Variants in MCF2L observed in about 807,000 individuals in gnomAD.
The protein encoded by MCF2L is MCF.2 cell line derived transforming sequence like, also known as guanine nucleotide exchange factor DBS.
In MCF2L, 97 loss-of-function variants were observed where a neutral mutation model predicts 153.4. That is an observed-to-expected ratio of 0.63 (90% CI 0.54 to 0.75). The LOEUF (loss-of-function observed/expected upper bound fraction) is 0.75. MCF2L is among the 30% of genes least tolerant of loss of function. The pLI, the probability that MCF2L is intolerant of heterozygous loss-of-function variation, is 0.00. For synonymous variants in MCF2L, 659 were observed against 632.2 expected (o/e 1.04, Z -0.64); for missense variants, 1,347 against 1,495.2 (o/e 0.90, Z 1.64).
At chr13:113,012,341 A>G (rs1212552312) in intron 1 of MCF2L, among the ~76,000 whole-genome samples, 26 of 83,910 alleles carry the variant, frequency 3.1e-4, no homozygotes, top group East Asian at 4.3e-4. Flanking sequence ...GTGGACAGGC[A>G]GTGTGGACGG....
At chr13:112,899,030 G>A (rs570256018) in intron 1 of MCF2L, among the ~76,000 whole-genome samples, 16 of 152,326 alleles carry the variant, frequency 1.1e-4, no homozygotes, top group South Asian at 6.2e-4. Flanking sequence ...CTGAACCTGC[G>A]GAGAAGCTGG....
chr13:113,056,177 G>A (rs867545350), intron 4 of MCF2L, among the ~76,000 whole-genome samples: 7 of 152,258 alleles, frequency 4.6e-5, no homozygotes, highest in African/African-American at 1.4e-4. Context: ...CCCAGTGACC[G>A]AGCCCTTAGT....
Position 113,087,392 on chromosome 13 carries a change from AGAGGGAG to A in MCF2L, c.2535_2541del (p.Glu846MetfsTer17). ...GAGAAGGCAGTGCTCTTCTGCAAGA[AGAGGGAG>A]GAGAATGGGGAGGGGTATGAGAAAG... On this transcript the variant is annotated frameshift_variant, in exon 22 of 30. Coordinates refer to ENST00000535094, the MANE Select transcript of MCF2L (RefSeq NM_001112732.3). LOFTEE classifies it high-confidence loss of function. The A allele has an allele frequency of 1.9e-6, 3 of 1,613,382 alleles. No homozygotes were observed. Among genetic ancestry groups the A allele is most frequent in the Non-Finnish European group, 2.5e-6 (3 of 1,179,990 alleles).
rs1200829288 is a variant in MCF2L, at chr13:113,028,398, T to C, written c.278+3640T>C. 1.3e-5 allele frequency among the ~76,000 whole-genome samples: 2 copies of C among 152,232 alleles called. No homozygotes were observed. On this transcript the variant is annotated intron_variant, in intron 3 of 29. Transcript: ENST00000535094. The surrounding 1 kb of genome is among the most constrained non-coding windows in gnomAD (Gnocchi z 5.4). ...GAACCTTCCATGGCCTCCTTGCTGC[T>C]GCCCCACTTGTCTGTCTGCTTCTCC...
chr13:112,959,656 G>A (rs2081800365), intron 2 of MCF2L, among the ~76,000 whole-genome samples: 1 of 152,150 alleles, frequency 6.6e-6, no homozygotes, highest in Admixed American at 6.5e-5. Context: ...CTCCCTATTA[G>A]AGGGAATATC....
rs1197705312 is a variant in MCF2L at position 113,070,977 on chromosome 13, T to C, written c.996+804T>C. Among the ~76,000 whole-genome samples the C allele has an allele frequency of 6.6e-6, 1 of 152,244 alleles. No individual in the cohort carries two copies. The highest frequency in any genetic ancestry group is 1.5e-5 in the Non-Finnish European group (1 of 68,046). On this transcript the variant is annotated intron_variant, in intron 9 of 29. Coordinates refer to ENST00000535094, the MANE Select transcript of MCF2L (RefSeq NM_001112732.3). The surrounding 1 kb of genome is among the most constrained non-coding windows in gnomAD (Gnocchi z 5.6). ...ATGTAATTGCAGGGTTATATAGTAG[T>C]TGCATGTTTCGTTTAAGAAAATGCC...
At chr13:112,916,830 A>C (rs112587396) in intron 2 of MCF2L, among the ~76,000 whole-genome samples, 2,408 of 152,056 alleles carry the variant, frequency 0.016, 57 homozygotes, top group African/African-American at 0.05. Context: ...TAATGGGTGG[A>C]CTGGATTCCT....
At chr13:113,061,256 C>G (rs1051210308) in intron 5 of MCF2L, among the ~76,000 whole-genome samples, 1 of 152,170 alleles carries the variant, frequency 6.6e-6, no homozygotes. Flanking sequence ...GGCAGCATCT[C>G]CCAACACTGC....
chr13:112,919,515 A>G (rs1378753497), intron 2 of MCF2L, among the ~76,000 whole-genome samples: 1 of 152,114 alleles, frequency 6.6e-6, no homozygotes, highest in Non-Finnish European at 1.5e-5. Context: ...AGAATTTGCA[A>G]TTTTTATAAT....
At chr13:112,982,739 G>C (rs1001552795) in intron 1 of MCF2L, among the ~76,000 whole-genome samples, 1 of 152,202 alleles carries the variant, frequency 6.6e-6, no homozygotes, top group African/African-American at 2.4e-5. Flanking sequence ...GGCTGAGCCC[G>C]TGCTGCATAA....
chr13:112,982,622 C>T (rs576946108), intron 1 of MCF2L, among the ~76,000 whole-genome samples: 22 of 152,196 alleles, frequency 1.4e-4, no homozygotes, highest in African/African-American at 5.1e-4. Flanking sequence ...ACAGCTGTGC[C>T]GAGAGGCCTG....
chr13:112,899,319 G>A (rs752559523), intron 1 of MCF2L, among the ~76,000 whole-genome samples: 29 of 152,326 alleles, frequency 1.9e-4, no homozygotes, highest in Admixed American at 4.6e-4. Flanking sequence ...CACTGCTGAC[G>A]GCTTCTCAAG....
intron 2 of MCF2L, among the ~76,000 whole-genome samples, chr13:112,955,283 T>C (rs1251008583): frequency 7.7e-6 from 1 of 130,538 alleles, no homozygotes; most frequent in East Asian, 2.0e-4. Flanking sequence ...CAGCCCTCCG[T>C]CCTGGGTCCC....
At chr13:113,030,865 C>T (rs568763054) in intron 3 of MCF2L, among the ~76,000 whole-genome samples, 24 of 152,244 alleles carry the variant, frequency 1.6e-4, no homozygotes, top group African/African-American at 5.8e-4. Flanking sequence ...GACGGTCAGA[C>T]CTGTGTGTCC....
At chr13:112,990,236 T>C (rs1283799799) in intron 1 of MCF2L, among the ~76,000 whole-genome samples, 4 of 152,356 alleles carry the variant, frequency 2.6e-5, no homozygotes, top group African/African-American at 9.6e-5. Context: ...CGTCACTTTC[T>C]TATGTTTAAA....
chr13:113,075,990 A>G lies in MCF2L; in HGVS notation c.1333A>G (p.Ile445Val), dbSNP rs753938625. 2 of 1,611,860 alleles carry G rather than the reference A, an allele frequency of 1.2e-6. No individual in the cohort carries two copies. The highest frequency in any genetic ancestry group is 2.2e-5 in the South Asian group (2 of 90,700). ...GTCCATGAAGTGGTGTGATGAAGGG[A>G]TTTACCTGCTGGCCTCACAACCTGT... Reference protein sequence around the residue: ...ETSMKWCDEGIYLLASQPVDK... With the variant: ...ETSMKWCDEGVYLLASQPVDK... The change falls in exon 12 of 30, where the codon ATT becomes GTT. Residue 445 changes from isoleucine to valine, a missense_variant. Transcript: ENST00000535094.
chr13:113,045,342 C>T lies in MCF2L; in HGVS notation c.350C>T (p.Ala117Val), dbSNP rs762878116. The T allele has an allele frequency of 6.6e-5, 107 of 1,613,852 alleles. No individual in the cohort carries two copies. Among genetic ancestry groups the T allele is most frequent in the Non-Finnish European group, 8.4e-5 (99 of 1,179,962 alleles). ...RRRDKWTSVK[A>V]SVLRIAASFP... ...CGGGACAAATGGACCTCCGTGAAGG[C>T]GTCCGTCCTGCGCATCGCAGTAAGT... Residue 117 changes from alanine (A) to valine (V), a missense_variant, in exon 4 of 30, where the codon GCG becomes GTG. Ala to Val is a moderately conservative substitution (Grantham distance 64). Around this residue, in one of 3 missense-constraint regions of MCF2L, gnomAD observed 820 missense variants for 921.2 expected, o/e 0.89. Transcript: ENST00000535094. This position sits in a 1 kb window ranked among gnomAD's most constrained non-coding sequence, Gnocchi z 4.2.
At position 113,096,567 on chromosome 13, in the gene MCF2L, C is replaced by T. The variant is rs1025122849; in HGVS notation, c.3206C>T (p.Thr1069Ile). The stretch of plus-strand genomic sequence containing the variant: ...CCTTGCAGGTACGTCAGGGACCCGA[C>T]CACTGGCAAGGAGGGCTGGGTGCCG... ...DEGLWYVRDP[T>I]TGKEGWVPAS... Residue 1069 changes from threonine (T) to isoleucine (I), a missense_variant, in exon 29 of 30, where the codon ACC (threonine) becomes ATC (isoleucine). Transcript: ENST00000535094. The T allele has an allele frequency of 1.1e-5, 18 of 1,604,952 alleles. No homozygotes were observed. Among genetic ancestry groups the T allele is most frequent in the Non-Finnish European group, 1.4e-5 (17 of 1,178,244 alleles).
chr13:113,026,950 G>A, intron 3 of MCF2L: 1 of 777,548 alleles, frequency 1.3e-6, no homozygotes, highest in Non-Finnish European at 2.4e-6. Context: ...CATCTGATGT[G>A]CTCGTCCCAG....
Sources: allele counts gnomAD v4.1 joint callset (sites outside exome capture counted in the v4.1 genomes callset), GRCh38; gene constraint gnomAD v4.1.1; regional missense constraint gnomAD v4.1.1; non-coding constraint Gnocchi (gnomAD v3.1); transcripts MANE v1.5; gene names NCBI Gene and HGNC (gene_info 2026-07-23, HGNC 2026-07-21).